Variants in ADGRB3 observed in about 807,000 individuals in gnomAD.
ADGRB3 encodes brain-specific angiogenesis inhibitor 3.
In ADGRB3, 37 loss-of-function variants were observed where a neutral mutation model predicts 193.4. The observed-to-expected ratio is 0.19, with a 90% CI of 0.15 to 0.25. The LOEUF is 0.25. Ranked by LOEUF, ADGRB3 falls within the 10% of genes least tolerant of loss-of-function variation. ADGRB3 has a pLI of 1.00. For missense variants in ADGRB3, 1,637 were observed against 1,852.9 expected, an observed-to-expected ratio of 0.88 and a Z score of 2.14; for synonymous variants, 690 against 644.2, an observed-to-expected ratio of 1.07 and a Z score of -1.08.
intron 17 of ADGRB3, among the ~76,000 whole-genome samples, chr6:69,212,089 A>C (rs1765679338): frequency 6.6e-6 from 1 of 152,224 alleles, no homozygotes; most frequent in South Asian, 2.1e-4. Flanking sequence ...GAACATAATT[A>C]ATTTTCAGTA....
rs1767923345 is a variant in ADGRB3 at position 68,635,468 on chromosome 6, A to G, written c.-720A>G. ...GGAGGAGGAGGAGGGAGGAAAGCGG[A>G]AAGAGGAAAAAGCATAAGCTTGAGC... On this transcript the variant is annotated 5_prime_UTR_variant, in exon 1 of 32. Coordinates refer to ENST00000370598, the MANE Select transcript of ADGRB3 (RefSeq NM_001704.3). The G allele has an allele frequency of 6.6e-6, 1 of 152,034 alleles. No homozygotes were observed. Among genetic ancestry groups the G allele is most frequent in the Admixed American group, 6.6e-5 (1 of 15,250 alleles). 9.4% of individuals were successfully genotyped at this position (152,034 alleles called of 1,614,324 possible). A position where few individuals can be genotyped will look rare whatever the true frequency, so the allele number is the denominator to read the frequency against.
intron 17 of ADGRB3, among the ~76,000 whole-genome samples, chr6:69,160,037 G>A (rs1774942462): frequency 6.6e-6 from 1 of 152,018 alleles, no homozygotes. Context: ...TACTTTCACT[G>A]CTATTATCAT....
At chr6:68,660,623 T>A (rs150981950) in intron 3 of ADGRB3, among the ~76,000 whole-genome samples, 177 of 151,228 alleles carry the variant, frequency 1.2e-3, no homozygotes, top group African/African-American at 4.1e-3. Flanking sequence ...TTTAATAGAA[T>A]GACAATAAAG....
chr6:69,141,941 A>T (rs1053635815), intron 17 of ADGRB3, among the ~76,000 whole-genome samples: 1 of 152,168 alleles, frequency 6.6e-6, no homozygotes, highest in African/African-American at 2.4e-5. Flanking sequence ...AATTACATAC[A>T]TTGTCTCAAA....
At position 69,122,827 on chromosome 6, in the gene ADGRB3, AACAT is replaced by A. The variant is rs565947895; in HGVS notation, c.2480+46809_2480+46812del. On this transcript the variant is annotated intron_variant, in intron 17 of 31. Transcript: ENST00000370598. The stretch of plus-strand genomic sequence containing the variant: ...ATATGGCAGAACAAAGCTGGTTTCA[AACAT>A]ACATACATACATACATACAACTTAT... 2.6e-5 allele frequency among the ~76,000 whole-genome samples: 4 copies of A among 152,104 alleles called. No homozygotes were observed. The South Asian group carries it at 8.3e-4, about 32-fold the overall frequency.
chr6:69,224,665 A>G (rs1177651111), intron 17 of ADGRB3, among the ~76,000 whole-genome samples: 1 of 152,202 alleles, frequency 6.6e-6, no homozygotes, highest in Non-Finnish European at 1.5e-5. Context: ...ATGTTTTATT[A>G]AACACATCAC....
chr6:68,675,975 C>T (rs1769076898), intron 3 of ADGRB3, among the ~76,000 whole-genome samples: 1 of 152,124 alleles, frequency 6.6e-6, no homozygotes, highest in Non-Finnish European at 1.5e-5. Context: ...TCACTATTTA[C>T]CTCCATTTTG....
intron 17 of ADGRB3, among the ~76,000 whole-genome samples, chr6:69,227,172 G>A (rs952687440): frequency 2.0e-5 from 3 of 152,180 alleles, no homozygotes; most frequent in Admixed American, 2.0e-4. Flanking sequence ...TTTGAAGAGT[G>A]CATTCTGGGC....
At chr6:68,825,174 G>A (rs1562045408) in intron 3 of ADGRB3, among the ~76,000 whole-genome samples, 1 of 151,974 alleles carries the variant, frequency 6.6e-6, no homozygotes, top group Non-Finnish European at 1.5e-5. Flanking sequence ...GCCTCTTATG[G>A]TCTACTTATG....
Position 68,975,268 on chromosome 6 carries a change from T to C in ADGRB3, c.1662T>C (p.His554=). The C allele has an allele frequency of 1.9e-6, 3 of 1,614,078 alleles. No individual in the cohort carries two copies. The highest frequency in any genetic ancestry group is 2.2e-5 in the East Asian group (1 of 44,862). Residue 554 remains histidine (H), a synonymous_variant, in exon 10 of 32, where the codon CAT becomes CAC. Transcript: ENST00000370598. The part of the protein sequence containing the change: ...TTSRRCSLSL[H]GVAFWEQPSF... ...GCAGACGCTGCTCTCTCAGTCTTCA[T>C]GGAGTGGCCTTCTGGGAACAGCCGA...
chr6:68,838,061 A>C (rs1265430255), intron 3 of ADGRB3, among the ~76,000 whole-genome samples: 4 of 152,220 alleles, frequency 2.6e-5, no homozygotes, highest in Non-Finnish European at 4.4e-5. Flanking sequence ...GAAAGAAAAA[A>C]TGTACAGGAA....
chr6:69,211,314 G>GAATC (rs1765662284), intron 17 of ADGRB3, among the ~76,000 whole-genome samples: 1 of 152,080 alleles, frequency 6.6e-6, no homozygotes, highest in Admixed American at 6.6e-5. Context: ...AAAAGAAAGG[G>GAATC]AATCTATACC....
chr6:69,097,793 A>G (rs1204020617), intron 17 of ADGRB3, among the ~76,000 whole-genome samples: 2 of 152,160 alleles, frequency 1.3e-5, no homozygotes, highest in Non-Finnish European at 2.9e-5. Flanking sequence ...TCCTAAAATT[A>G]TTTTAATAAA....
intron 3 of ADGRB3, among the ~76,000 whole-genome samples, chr6:68,897,642 G>A (rs1441728573): frequency 5.1e-5 from 7 of 136,278 alleles, no homozygotes; most frequent in African/African-American, 2.1e-4. Context: ...AAAGAGGAAA[G>A]AGGGAAGGAA....
At chr6:69,155,618 T>C (rs1774813364) in intron 17 of ADGRB3, among the ~76,000 whole-genome samples, 2 of 152,220 alleles carry the variant, frequency 1.3e-5, no homozygotes, top group South Asian at 4.1e-4. Flanking sequence ...AGAGCTGCCA[T>C]TTATTACTAT....
At chr6:69,179,518 C>T (rs1775524007) in intron 17 of ADGRB3, among the ~76,000 whole-genome samples, 2 of 152,170 alleles carry the variant, frequency 1.3e-5, no homozygotes, top group East Asian at 1.9e-4. Flanking sequence ...TGCTGGAGAG[C>T]TCATGTGATC....
chr6:69,202,439 AC>A (rs948606002), intron 17 of ADGRB3, among the ~76,000 whole-genome samples: 5 of 152,046 alleles, frequency 3.3e-5, no homozygotes, highest in Non-Finnish European at 7.4e-5. Context: ...TCCAATCTGT[AC>A]TACCCACTCC....
chr6:69,186,669 A>G (rs527320968), intron 17 of ADGRB3, among the ~76,000 whole-genome samples: 183 of 152,288 alleles, frequency 1.2e-3, no homozygotes, highest in African/African-American at 4.3e-3. Context: ...TCTCCAAGTT[A>G]TTGTATTAAC....
At chr6:69,184,285 C>A (rs1382208731) in intron 17 of ADGRB3, among the ~76,000 whole-genome samples, 1 of 152,090 alleles carries the variant, frequency 6.6e-6, no homozygotes, top group African/African-American at 2.4e-5. Context: ...ACACAGGTGC[C>A]ACAGAAATCA....
Sources: allele counts gnomAD v4.1 joint callset (sites outside exome capture counted in the v4.1 genomes callset), GRCh38; gene constraint gnomAD v4.1.1; transcripts MANE v1.5; gene names NCBI Gene and HGNC (gene_info 2026-07-23, HGNC 2026-07-21).